The following LRP2 variants were observed in gnomAD, a reference collection of about 807,000 sequenced individuals.
The protein encoded by LRP2 is low-density lipoprotein receptor-related protein 2.
In LRP2, 172 loss-of-function variants were observed where a neutral mutation model predicts 531.0. The ratio of observed to expected loss-of-function variants is 0.32; its 90% CI spans 0.29 to 0.37. The LOEUF is 0.37. Ranked by LOEUF, LRP2 falls within the 10% of genes least tolerant of loss-of-function variation. The probability of loss-of-function intolerance (pLI) is 1.00; values close to 1 mark genes in which losing one functional copy is unlikely to be tolerated. For missense variants in LRP2, 5,167 were observed against 5,868.3 expected (o/e 0.88, Z 3.90); for synonymous variants, 1,992 against 2,027.6 (o/e 0.98, Z 0.47).
At chr2:169,172,633 C>T (rs1687046763) in intron 57 of LRP2, among the ~76,000 whole-genome samples, 1 of 152,026 alleles carries the variant, frequency 6.6e-6, no homozygotes, top group Non-Finnish European at 1.5e-5. Context: ...CTACAGATGT[C>T]CAATAGATAA....
At position 169,238,435 on chromosome 2, in the gene LRP2, A is replaced by G. The variant is rs576954404; in HGVS notation, c.4295-133T>C. 3.9e-5 allele frequency: 27 copies of G among 683,810 alleles called. No individual in the cohort carries two copies. In the Admixed American group the frequency reaches 4.3e-4, roughly 11 times the overall value. The allele number at this position is 683,810 out of a possible 1,614,324, so 42.4% of individuals were successfully genotyped here. A position where few individuals can be genotyped will look rare whatever the true frequency, so the allele number is the denominator to read the frequency against. ...TCCAAACTATAGTAAGTTGGTGGGGAGGGGAGGAAGCCCCATATGAATGAT... is the reference window on the plus strand; with the variant it reads ...TCCAAACTATAGTAAGTTGGTGGGGGGGGGAGGAAGCCCCATATGAATGAT... On this transcript the variant is annotated intron_variant, in intron 26 of 78. Coordinates refer to ENST00000649046, the MANE Select transcript of LRP2 (RefSeq NM_004525.3).
intron 22 of LRP2, 90 bp from the exon 23 acceptor site, chr2:169,243,612 G>T: frequency 1.1e-5 from 16 of 1,495,868 alleles, no homozygotes; most frequent in Non-Finnish European, 1.5e-5. Flanking sequence ...AGCTACAGAA[G>T]TTATCTCAAT....
intron 68 of LRP2, among the ~76,000 whole-genome samples, chr2:169,149,908 T>C (rs954574805): frequency 1.3e-5 from 2 of 150,454 alleles, no homozygotes; most frequent in East Asian, 3.9e-4. Flanking sequence ...GATAATAATA[T>C]CAGATGAATT....
At position 169,127,555 on chromosome 2, in the gene LRP2, A is replaced by AC. The variant is rs869187062; in HGVS notation, c.*1107dup. ...CTCTAAAAAAAAAAAAAAAAAAAAAACCAATAAGAATTAAAGAAAAGATCT... is the reference window on the plus strand; with the variant it reads ...CTCTAAAAAAAAAAAAAAAAAAAAAACCCAATAAGAATTAAAGAAAAGATCT... On this transcript the variant is annotated 3_prime_UTR_variant, in exon 79 of 79. Transcript: ENST00000649046. The AC allele has an allele frequency of 6.6e-6, 1 of 150,858 alleles. No individual in the cohort carries two copies. The highest frequency in any genetic ancestry group is 2.4e-5 in the African/African-American group (1 of 40,890). 9.3% of individuals were successfully genotyped at this position (150,858 alleles called of 1,614,324 possible). A position where few individuals can be genotyped will look rare whatever the true frequency, so the allele number is the denominator to read the frequency against.
At chr2:169,238,964 A>C (rs1414679990) in intron 26 of LRP2, among the ~76,000 whole-genome samples, 1 of 152,202 alleles carries the variant, frequency 6.6e-6, no homozygotes, top group Non-Finnish European at 1.5e-5. Flanking sequence ...TTCTAAGAGA[A>C]GCTAAAACCT....
intron 29 of LRP2, among the ~76,000 whole-genome samples, chr2:169,234,220 G>C (rs1179505417): frequency 2.0e-5 from 3 of 152,078 alleles, no homozygotes; most frequent in African/African-American, 7.2e-5. Context: ...ATGGTGGTTT[G>C]CTGCACCCAT....
intron 4 of LRP2, among the ~76,000 whole-genome samples, chr2:169,306,386 T>C (rs1449444626): frequency 6.6e-6 from 1 of 151,672 alleles, no homozygotes; most frequent in African/African-American, 2.4e-5. Flanking sequence ...ATACAAAAAT[T>C]AGTCGGGCGT....
At chr2:169,299,340 C>G (rs1684231366) in intron 4 of LRP2, among the ~76,000 whole-genome samples, 1 of 151,938 alleles carries the variant, frequency 6.6e-6, no homozygotes, top group South Asian at 2.1e-4. Flanking sequence ...AGCTCACTCC[C>G]TTTGTACTAA....
intron 38 of LRP2, among the ~76,000 whole-genome samples, chr2:169,208,606 G>A (rs751715123): frequency 1.3e-5 from 2 of 152,056 alleles, no homozygotes; most frequent in Non-Finnish European, 2.9e-5. Flanking sequence ...ACAGGCGTAC[G>A]CCACCATGCC....
intron 1 of LRP2, among the ~76,000 whole-genome samples, chr2:169,322,947 T>C (rs1004365999): frequency 1.3e-5 from 2 of 152,190 alleles, no homozygotes; most frequent in African/African-American, 4.8e-5. Context: ...TAAGCAACTT[T>C]TATTACAAGT....
intron 30 of LRP2, among the ~76,000 whole-genome samples, chr2:169,232,866 T>C (rs1004513642): frequency 2.0e-5 from 3 of 152,022 alleles, no homozygotes; most frequent in South Asian, 2.1e-4. Context: ...TGAGAAACAA[T>C]TGGAGAGTTT....
intron 36 of LRP2, among the ~76,000 whole-genome samples, chr2:169,212,498 C>T (rs1333672633): frequency 6.6e-6 from 1 of 152,080 alleles, no homozygotes; most frequent in African/African-American, 2.4e-5. Context: ...TAAATCTGCT[C>T]ATAATTTGCC....
intron 35 of LRP2, among the ~76,000 whole-genome samples, chr2:169,214,739 G>A (rs1183022670): frequency 1.3e-5 from 2 of 152,164 alleles, no homozygotes; most frequent in African/African-American, 4.8e-5. Context: ...ACTCCTCAGG[G>A]CAAGGCTCCA....
chr2:169,350,281 T>C (rs756331022), intron 1 of LRP2, among the ~76,000 whole-genome samples: 49 of 152,134 alleles, frequency 3.2e-4, no homozygotes, highest in Admixed American at 7.2e-4. Context: ...TTCAGACATG[T>C]GAAGTCTGAG....
At chr2:169,200,229 C>T (rs925607331) in intron 44 of LRP2, among the ~76,000 whole-genome samples, 3 of 152,010 alleles carry the variant, frequency 2.0e-5, no homozygotes, top group Non-Finnish European at 4.4e-5. Flanking sequence ...CCAGCCTGGG[C>T]GATAGAGCAA....
chr2:169,243,990 G>C (rs1040587004), intron 22 of LRP2, among the ~76,000 whole-genome samples: 104 of 152,184 alleles, frequency 6.8e-4, no homozygotes, highest in African/African-American at 2.5e-3. Context: ...CTACCTTACT[G>C]TTAAGACCAT....
intron 56 of LRP2, 105 bp from the exon 57 acceptor site, chr2:169,173,329 C>T (rs1687070726): frequency 1.5e-6 from 2 of 1,376,806 alleles, no homozygotes; most frequent in South Asian, 1.2e-5. Context: ...GACCATGTTA[C>T]CAAGCAAACC....
chr2:169,167,012 T>C (rs1419418479), intron 61 of LRP2, among the ~76,000 whole-genome samples: 1 of 152,184 alleles, frequency 6.6e-6, no homozygotes, highest in East Asian at 1.9e-4. Flanking sequence ...ATAGAACTAT[T>C]GCAATAATTA....
chr2:169,295,836 C>T (rs1480482890), intron 4 of LRP2, among the ~76,000 whole-genome samples: 1 of 80,532 alleles, frequency 1.2e-5, no homozygotes, highest in Non-Finnish European at 3.3e-5. Flanking sequence ...CTCCTTTTCA[C>T]AAATGTGGAT....
Sources: gnomAD v4.1 joint callset for allele counts (sites outside exome capture counted in the v4.1 genomes callset) on GRCh38, gnomAD v4.1.1 for gene constraint, MANE v1.5 for transcripts, NCBI Gene and HGNC (gene_info 2026-07-23, HGNC 2026-07-21) for gene names.